The following PKP4 variants were observed in gnomAD, a reference collection of about 807,000 sequenced individuals.
The protein encoded by PKP4 is plakophilin 4.
A neutral mutation model predicts 145.1 loss-of-function variants in PKP4; 90 were observed. That is an observed-to-expected ratio of 0.62 (90% CI 0.52 to 0.74). The LOEUF (loss-of-function observed/expected upper bound fraction) is 0.74, where lower values mean the gene tolerates loss of function less well. PKP4 is among the 30% of genes least tolerant of loss of function. The pLI is 0.00. For synonymous variants in PKP4, 563 were observed against 577.2 expected (o/e 0.98, Z 0.35); for missense variants, 1,340 against 1,482.7 (o/e 0.90, Z 1.58).
At chr2:158,608,556 G>A (rs1173291414) in intron 4 of PKP4, among the ~76,000 whole-genome samples, 1 of 152,036 alleles carries the variant, frequency 6.6e-6, no homozygotes, top group Admixed American at 6.6e-5. Context: ...TTCAAGCCTA[G>A]TAGTTACATT....
At chr2:158,533,151 GT>G in intron 1 of PKP4, 28 bp from the exon 2 acceptor site, 1 of 1,588,748 alleles carries the variant, frequency 6.3e-7, no homozygotes, top group Non-Finnish European at 8.6e-7. Flanking sequence ...CCAGAAGAAA[GT>G]GTTAACCCTT....
chr2:158,647,215 C>G (rs950608982), intron 11 of PKP4, among the ~76,000 whole-genome samples: 4 of 152,166 alleles, frequency 2.6e-5, no homozygotes, highest in African/African-American at 9.7e-5. Context: ...CCATGGCTAG[C>G]CTTGCACGGT....
intron 1 of PKP4, among the ~76,000 whole-genome samples, chr2:158,489,461 C>T (rs1201866045): frequency 1.3e-5 from 2 of 152,264 alleles, no homozygotes; most frequent in African/African-American, 4.8e-5. Context: ...TTTGTTCCTC[C>T]AGTGGAGTTG....
At chr2:158,653,930 A>G (rs567216064) in intron 11 of PKP4, among the ~76,000 whole-genome samples, 1 of 152,314 alleles carries the variant, frequency 6.6e-6, no homozygotes, top group Non-Finnish European at 1.5e-5. Context: ...CCCTAGACAA[A>G]GTGGAGAGAA....
intron 2 of PKP4, among the ~76,000 whole-genome samples, chr2:158,571,531 C>A (rs2047408256): frequency 6.6e-6 from 1 of 152,028 alleles, no homozygotes; most frequent in South Asian, 2.1e-4. Flanking sequence ...ATAGTCTTCA[C>A]CAGAGAGGGT....
chr2:158,663,667 A>G (rs2056820588), intron 15 of PKP4, among the ~76,000 whole-genome samples: 1 of 152,172 alleles, frequency 6.6e-6, no homozygotes, highest in African/African-American at 2.4e-5. Flanking sequence ...ACAGAAGGCT[A>G]GTGAGAAAAA....
chr2:158,572,264 A>G (rs2047472616), intron 2 of PKP4, among the ~76,000 whole-genome samples: 1 of 152,244 alleles, frequency 6.6e-6, no homozygotes, highest in South Asian at 2.1e-4. Flanking sequence ...CCCTGACTAC[A>G]GCTCAAAGAA....
At chr2:158,641,976 AC>A (rs1309469744) in intron 10 of PKP4, among the ~76,000 whole-genome samples, 1 of 150,898 alleles carries the variant, frequency 6.6e-6, no homozygotes, top group African/African-American at 2.4e-5. Flanking sequence ...GAAGCCATGA[AC>A]CCAGGAAAAG....
chr2:158,498,818 T>G (rs1194949363), intron 1 of PKP4, among the ~76,000 whole-genome samples: 4 of 151,470 alleles, frequency 2.6e-5, no homozygotes, highest in Admixed American at 6.6e-5. Context: ...GTGAGTGTTT[T>G]TTTTTTTTTT....
Position 158,586,034 on chromosome 2 carries a change from T to C in PKP4, c.245+8651T>C, listed in dbSNP as rs963383083. Reference sequence around the variant, plus strand: ...TTATATCATTACAATTTGTGGTCTTTTGTGTCTGGCATTTTTCACTTTGCA... The same window carrying C: ...TTATATCATTACAATTTGTGGTCTTCTGTGTCTGGCATTTTTCACTTTGCA... On this transcript the variant is annotated intron_variant, in intron 3 of 21. Coordinates refer to ENST00000389759, the MANE Select transcript of PKP4 (RefSeq NM_003628.6). Among the ~76,000 whole-genome samples, 5 of 152,310 alleles carry C rather than the reference T, an allele frequency of 3.3e-5. No homozygotes were observed. In the East Asian group the frequency reaches 9.6e-4, roughly 29 times the overall value.
chr2:158,533,427 C>A, intron 2 of PKP4, 111 bp downstream of exon 2: 1 of 1,290,630 alleles, frequency 7.7e-7, no homozygotes, highest in Non-Finnish European at 1.1e-6. Context: ...TTCACGTTTT[C>A]TAATTATAAG....
chr2:158,662,159 G>C (rs2105979873), intron 13 of PKP4: 1 of 152,570 alleles, frequency 6.6e-6, no homozygotes, highest in East Asian at 1.9e-4. Flanking sequence ...TGGATTGTAA[G>C]GGTGAGCCTG....
In PKP4 at chr2:158,609,263, G is replaced by A. The variant is rs75006950; in HGVS notation, c.280+6159G>A. 9.0e-3 allele frequency among the ~76,000 whole-genome samples: 1,375 copies of A among 152,184 alleles called. 26 individuals are homozygous for A. The highest frequency in any genetic ancestry group is 0.032 in the African/African-American group (1,313 of 41,504). ...TTGCTGCTTTGACTGCAAAGATACT[G>A]AAGATAATATGAAAATCATCTATCT... On this transcript the variant is annotated intron_variant, in intron 4 of 21. Coordinates refer to ENST00000389759, the MANE Select transcript of PKP4 (RefSeq NM_003628.6).
chr2:158,543,642 G>A (rs1336906591), intron 2 of PKP4, among the ~76,000 whole-genome samples: 2 of 152,160 alleles, frequency 1.3e-5, no homozygotes, highest in African/African-American at 4.8e-5. Context: ...GCATTTGAAG[G>A]ATAAACTTTG....
At chr2:158,657,073 TG>T (rs1428693755) in intron 11 of PKP4, among the ~76,000 whole-genome samples, 3 of 152,312 alleles carry the variant, frequency 2.0e-5, no homozygotes, top group Non-Finnish European at 4.4e-5. Context: ...TTGGTAGTTG[TG>T]AAAGCACTGT....
chr2:158,621,155 C>T (rs546962067), intron 5 of PKP4, 34 bp downstream of exon 5: 4 of 1,613,688 alleles, frequency 2.5e-6, no homozygotes, highest in South Asian at 2.2e-5. Flanking sequence ...ACTGGATTTG[C>T]TTTTAAGATT....
At chr2:158,601,913 C>A (rs372442172) in intron 3 of PKP4, among the ~76,000 whole-genome samples, 1 of 152,112 alleles carries the variant, frequency 6.6e-6, no homozygotes, top group Non-Finnish European at 1.5e-5. Context: ...GTTCTTCCCC[C>A]ACTCCAAGTG....
intron 19 of PKP4, among the ~76,000 whole-genome samples, chr2:158,676,036 A>C (rs1178994753): frequency 6.6e-6 from 1 of 152,136 alleles, no homozygotes; most frequent in East Asian, 1.9e-4. Context: ...CTAAGGATAG[A>C]TACGGTGTTA....
intron 1 of PKP4, among the ~76,000 whole-genome samples, chr2:158,496,788 G>GTGTGTGTGTGTGTGTGTGTC (rs1553545763): frequency 6.6e-6 from 1 of 150,504 alleles, no homozygotes; most frequent in African/African-American, 2.4e-5. Context: ...GTGTGTGTGT[G>GTGTGTGTGTGTGTGTGTGTC]TGTGTGTCTG....
Sources: gnomAD v4.1 joint callset for allele counts (sites outside exome capture counted in the v4.1 genomes callset) on GRCh38, gnomAD v4.1.1 for gene constraint, MANE v1.5 for transcripts, NCBI Gene and HGNC (gene_info 2026-07-23, HGNC 2026-07-21) for gene names.